Variants in SLC4A10 observed in about 807,000 individuals in gnomAD.
The protein encoded by SLC4A10 is solute carrier family 4 member 10.
SLC4A10 carries 42 observed loss-of-function variants against 137.7 expected under a neutral mutation model. The ratio of observed to expected loss-of-function variants is 0.30; its 90% CI spans 0.24 to 0.39. The LOEUF (loss-of-function observed/expected upper bound fraction) is 0.39. Ranked by LOEUF, SLC4A10 falls within the 10% of genes least tolerant of loss-of-function variation. SLC4A10 has a pLI of 1.00. For synonymous variants in SLC4A10, 474 were observed against 464.1 expected (o/e 1.02, Z -0.27); for missense variants, 925 against 1,355.0 (o/e 0.68, Z 4.98).
chr2:161,850,990 T>C (rs1482014089), intron 4 of SLC4A10, among the ~76,000 whole-genome samples: 1 of 152,142 alleles, frequency 6.6e-6, no homozygotes, highest in Non-Finnish European at 1.5e-5. Flanking sequence ...CAGGAGTAGG[T>C]TGTTTAGTTT....
At chr2:161,747,254 C>A (rs962717698) in intron 1 of SLC4A10, among the ~76,000 whole-genome samples, 2 of 152,102 alleles carry the variant, frequency 1.3e-5, no homozygotes, top group Non-Finnish European at 2.9e-5. Context: ...ATGGACAATT[C>A]CCTTCTGGCT....
chr2:161,710,639 G>A (rs1313511632), intron 1 of SLC4A10: 1 of 450,836 alleles, frequency 2.2e-6, no homozygotes, highest in Non-Finnish European at 4.5e-6. Context: ...TCTTTGGAAT[G>A]ATAAAACTGA....
intron 1 of SLC4A10, among the ~76,000 whole-genome samples, chr2:161,702,302 A>G (rs1310881411): frequency 2.0e-5 from 3 of 151,972 alleles, no homozygotes; most frequent in Non-Finnish European, 4.4e-5. Context: ...CCAAGATTGC[A>G]TTTTAATTAT....
At chr2:161,767,123 A>G (rs1251215347) in intron 1 of SLC4A10, among the ~76,000 whole-genome samples, 4 of 79,644 alleles carry the variant, frequency 5.0e-5, no homozygotes, top group African/African-American at 1.7e-4. Flanking sequence ...ATATATATAT[A>G]TATATATATA....
At chr2:161,886,028 G>A (rs968222409) in intron 10 of SLC4A10, among the ~76,000 whole-genome samples, 1 of 152,070 alleles carries the variant, frequency 6.6e-6, no homozygotes, top group African/African-American at 2.4e-5. Flanking sequence ...GAGCCAGGGA[G>A]GTGGAGGTTG....
chr2:161,817,307 G>A (rs1431737426), intron 3 of SLC4A10, among the ~76,000 whole-genome samples: 1 of 152,134 alleles, frequency 6.6e-6, no homozygotes, highest in Non-Finnish European at 1.5e-5. Flanking sequence ...CATATCCTTT[G>A]CCCACTTTTT....
At chr2:161,965,225 A>G (rs772291487) in intron 23 of SLC4A10, 52 bp downstream of exon 23, 70 of 1,521,066 alleles carry the variant, frequency 4.6e-5, no homozygotes, top group Non-Finnish European at 6.1e-5. Context: ...ACATAGTAAT[A>G]TTTCTTTGCA....
chr2:161,976,948 A>G (rs1398288933), intron 25 of SLC4A10, 72 bp downstream of exon 25: 4 of 758,018 alleles, frequency 5.3e-6, no homozygotes, highest in Admixed American at 3.3e-5. Flanking sequence ...AAGCAAAAGA[A>G]TAATATTAGT....
At chr2:161,772,961 C>T (rs1574892435) in intron 2 of SLC4A10, among the ~76,000 whole-genome samples, 2 of 151,804 alleles carry the variant, frequency 1.3e-5, no homozygotes, top group Non-Finnish European at 2.9e-5. Flanking sequence ...AATCAGCTGG[C>T]AGCAGAATAT....
chr2:161,704,308 C>T (rs2043424030), intron 1 of SLC4A10, among the ~76,000 whole-genome samples: 1 of 151,666 alleles, frequency 6.6e-6, no homozygotes, highest in South Asian at 2.1e-4. Context: ...CAATCAATCA[C>T]ACACGCACAT....
At chr2:161,971,204 C>T (rs958792903) in intron 23 of SLC4A10, among the ~76,000 whole-genome samples, 1 of 152,234 alleles carries the variant, frequency 6.6e-6, no homozygotes, top group Non-Finnish European at 1.5e-5. Flanking sequence ...GCACATAATA[C>T]ATGCTCAATA....
intron 1 of SLC4A10, among the ~76,000 whole-genome samples, chr2:161,677,272 C>CCTGGATA (rs1193165186): frequency 6.6e-6 from 1 of 152,122 alleles, no homozygotes; most frequent in Non-Finnish European, 1.5e-5. Flanking sequence ...GTGAAAGCAG[C>CCTGGATA]CTGGATACCT....
At chr2:161,793,851 T>A (rs1216911861) in intron 2 of SLC4A10, among the ~76,000 whole-genome samples, 1 of 152,170 alleles carries the variant, frequency 6.6e-6, no homozygotes, top group Non-Finnish European at 1.5e-5. Context: ...ATTTCTAATT[T>A]TGAGCTAAAT....
chr2:161,800,869 C>T (rs1348363674), intron 2 of SLC4A10, among the ~76,000 whole-genome samples: 1 of 151,986 alleles, frequency 6.6e-6, no homozygotes, highest in Non-Finnish European at 1.5e-5. Context: ...ATTCCACTCA[C>T]CCAACCAGAG....
At chr2:161,979,835 G>T (rs149225104) in intron 26 of SLC4A10, among the ~76,000 whole-genome samples, 1 of 152,174 alleles carries the variant, frequency 6.6e-6, no homozygotes, top group African/African-American at 2.4e-5. Context: ...ATCCTGTGCT[G>T]TAATGTGTCA....
chr2:161,666,157 A>C (rs1301866045), intron 1 of SLC4A10, among the ~76,000 whole-genome samples: 2 of 151,550 alleles, frequency 1.3e-5, no homozygotes, highest in Non-Finnish European at 3.0e-5. Flanking sequence ...GCCAATCTTA[A>C]TTGAGATGAA....
intron 3 of SLC4A10, among the ~76,000 whole-genome samples, chr2:161,813,094 C>T (rs1486782987): frequency 4.0e-5 from 6 of 151,772 alleles, no homozygotes; most frequent in African/African-American, 7.3e-5. Flanking sequence ...GATTTCTGGA[C>T]GTTTTCATTT....
chr2:161,897,022 T>C (rs1436718221), intron 11 of SLC4A10, among the ~76,000 whole-genome samples: 1 of 152,104 alleles, frequency 6.6e-6, no homozygotes, highest in Non-Finnish European at 1.5e-5. Flanking sequence ...AATCATATTA[T>C]ATAGAAAACT....
At chr2:161,834,846 TA>T (rs947126979) in intron 3 of SLC4A10, among the ~76,000 whole-genome samples, 9 of 152,102 alleles carry the variant, frequency 5.9e-5, no homozygotes, top group African/African-American at 1.9e-4. Context: ...GCAGTTTCTC[TA>T]AAAAACAGCA....
Sources: allele counts gnomAD v4.1 joint callset (sites outside exome capture counted in the v4.1 genomes callset), GRCh38; gene constraint gnomAD v4.1.1; transcripts MANE v1.5; gene names NCBI Gene and HGNC (gene_info 2026-07-23, HGNC 2026-07-21).